Variants in DMXL1 observed in about 807,000 individuals in gnomAD.
DMXL1 encodes dmX-like protein 1.
Under a neutral mutation model 319.2 loss-of-function variants are expected in DMXL1, and 99 were observed. The ratio of observed to expected loss-of-function variants is 0.31; its 90% CI spans 0.26 to 0.37. The LOEUF is 0.37. Among genes scored for constraint, DMXL1 ranks in the 10% least tolerant of loss-of-function variants. The probability of loss-of-function intolerance (pLI) is 1.00; values close to 1 mark genes in which losing one functional copy is unlikely to be tolerated. For synonymous variants in DMXL1, 1,385 were observed against 1,235.2 expected, an observed-to-expected ratio of 1.12 and a Z score of -2.54; for missense variants, 3,745 against 3,595.6, an observed-to-expected ratio of 1.04 and a Z score of -1.06.
At position 119,170,789 on chromosome 5, in the gene DMXL1, A is replaced by T. The variant is rs115843760; in HGVS notation, c.5998A>T (p.Ile2000Leu). The T allele has an allele frequency of 2.5e-6, 4 of 1,611,996 alleles. No homozygotes were observed. Among genetic ancestry groups the T allele is most frequent in the Non-Finnish European group, 3.4e-6 (4 of 1,179,668 alleles). ...AAAAACAGATAAAAAGTTGGATGAC[A>T]TAAGTTCTAACTACACAGAATCTTT... ...QRKTDKKLDD[I>L]SSNYTESFST... is the part of the protein sequence containing the mutation. The change falls in exon 24 of 44, where the codon ATA becomes TTA. Residue 2000 changes from isoleucine to leucine, a missense_variant. Ile to Leu is a conservative substitution (Grantham distance 5). This residue lies in a region of DMXL1 where 1,382 missense variants were observed against 1,269.5 expected (regional missense o/e 1.09). Coordinates refer to ENST00000539542, the MANE Select transcript of DMXL1 (RefSeq NM_001290321.3).
At chr5:119,151,763 T>A (rs1769851367) in intron 18 of DMXL1, among the ~76,000 whole-genome samples, 166 bp from the exon 19 acceptor site, 1 of 152,222 alleles carries the variant, frequency 6.6e-6, no homozygotes, top group South Asian at 2.1e-4. Context: ...GTTTATACTA[T>A]TTTTTCTGTA....
At chr5:119,245,910 G>A (rs1789673592) in intron 43 of DMXL1, among the ~76,000 whole-genome samples, 1 of 150,252 alleles carries the variant, frequency 6.7e-6, no homozygotes, top group South Asian at 2.1e-4. Flanking sequence ...AAAAAAAAAA[G>A]AGTTGAAAAT....
intron 26 of DMXL1, 80 bp downstream of exon 26, chr5:119,175,417 C>G: frequency 1.0e-6 from 1 of 965,920 alleles, no homozygotes; most frequent in Non-Finnish European, 1.6e-6. Flanking sequence ...TGGTTTAGAA[C>G]TATATATAAC....
Position 119,120,964 on chromosome 5 carries a change from C to G in DMXL1, c.934-7C>G, listed in dbSNP as rs781657432. ...TATAGGTATTAGTTTTGTTTCTATT[C>G]ACACAGGTAAATCTGAGACATTTTC... On this transcript the variant is annotated splice_region_variant and splice_polypyrimidine_tract_variant and intron_variant, in intron 8 of 43. Transcript: ENST00000539542. The G allele has an allele frequency of 1.0e-5, 16 of 1,601,610 alleles. No homozygotes were observed. Among genetic ancestry groups the G allele is most frequent in the Non-Finnish European group, 1.3e-5 (15 of 1,175,720 alleles).
chr5:119,146,789 G>T (rs1257696641), intron 15 of DMXL1, 48 bp from the exon 16 acceptor site: 7 of 1,496,678 alleles, frequency 4.7e-6, no homozygotes, highest in Non-Finnish European at 6.2e-6. Context: ...TTAGCAAGTT[G>T]TCTCTTTTAC....
chr5:119,109,508 C>T (rs1759102695), intron 4 of DMXL1, among the ~76,000 whole-genome samples: 1 of 152,218 alleles, frequency 6.6e-6, no homozygotes, highest in African/African-American at 2.4e-5. Context: ...AAAAACTCTT[C>T]ACAGTCTCAC....
chr5:119,174,458 A>G (rs1775390714), intron 25 of DMXL1, among the ~76,000 whole-genome samples: 1 of 152,182 alleles, frequency 6.6e-6, no homozygotes, highest in South Asian at 2.1e-4. Context: ...TCCCATATAT[A>G]GTTTTTGTCA....
In DMXL1 at chr5:119,206,914, A is replaced by G; in HGVS notation, c.7926+18A>G. The G allele has an allele frequency of 6.9e-7, 1 of 1,455,198 alleles. No homozygotes were observed. Among genetic ancestry groups the G allele is most frequent in the South Asian group, 1.3e-5 (1 of 78,956 alleles). The allele number at this position is 1,455,198 out of a possible 1,614,324, so 90.1% of individuals were successfully genotyped here. A position where few individuals can be genotyped will look rare whatever the true frequency, so the allele number is the denominator to read the frequency against. Reference sequence around the variant, plus strand: ...TCAATAAGGTACAAAATATCATTCAACTGAAATTAAAAATTGCATTCTTTC... The same window carrying G: ...TCAATAAGGTACAAAATATCATTCAGCTGAAATTAAAAATTGCATTCTTTC... On this transcript the variant is annotated intron_variant, in intron 34 of 43. Coordinates refer to ENST00000539542, the MANE Select transcript of DMXL1 (RefSeq NM_001290321.3).
At chr5:119,202,815 C>T (rs1581297401) in intron 32 of DMXL1, among the ~76,000 whole-genome samples, 1 of 148,342 alleles carries the variant, frequency 6.7e-6, no homozygotes, top group African/African-American at 2.5e-5. Flanking sequence ...CGCCCTGTTG[C>T]ACTCCAGTCT....
chr5:119,127,107 A>G (rs1296405870), intron 9 of DMXL1: 1 of 162,204 alleles, frequency 6.2e-6, no homozygotes, highest in Non-Finnish European at 1.5e-5. Flanking sequence ...TTTCAACTCC[A>G]TTGTAAGTCA....
intron 35 of DMXL1, 134 bp from the exon 36 acceptor site, chr5:119,220,338 G>T: frequency 1.4e-6 from 1 of 699,362 alleles, no homozygotes; most frequent in Admixed American, 3.2e-5. Flanking sequence ...TTCACTAAAA[G>T]TAAGAATGCT....
chr5:119,202,540 A>G (rs1420691342), intron 32 of DMXL1, among the ~76,000 whole-genome samples: 1 of 152,088 alleles, frequency 6.6e-6, no homozygotes, highest in Non-Finnish European at 1.5e-5. Context: ...TTTAACACAA[A>G]CTTTGTTTCA....
chr5:119,107,848 CT>C (rs753600307), intron 4 of DMXL1, among the ~76,000 whole-genome samples: 3 of 152,136 alleles, frequency 2.0e-5, no homozygotes, highest in Non-Finnish European at 2.9e-5. Flanking sequence ...TATTGAGCTT[CT>C]GCTTAGTGCC....
At chr5:119,077,611 C>T (rs1751200222) in intron 1 of DMXL1, among the ~76,000 whole-genome samples, 1 of 141,306 alleles carries the variant, frequency 7.1e-6, no homozygotes, top group Non-Finnish European at 1.5e-5. Context: ...GCTGGGACCA[C>T]AGACACGTGC....
At chr5:119,081,400 G>A (rs181643632) in intron 1 of DMXL1, among the ~76,000 whole-genome samples, 2 of 152,280 alleles carry the variant, frequency 1.3e-5, no homozygotes, top group South Asian at 2.1e-4. Context: ...ATATGTGTGC[G>A]AGGCATTGTT....
At chr5:119,086,830 C>G (rs1753481713) in intron 1 of DMXL1, among the ~76,000 whole-genome samples, 1 of 151,900 alleles carries the variant, frequency 6.6e-6, no homozygotes. Context: ...GCCATAGGTC[C>G]TGAGCTTTTC....
intron 34 of DMXL1, among the ~76,000 whole-genome samples, chr5:119,215,587 C>A (rs192669833): frequency 2.6e-5 from 4 of 152,250 alleles, no homozygotes; most frequent in Non-Finnish European, 5.9e-5. Flanking sequence ...TCACCTCAGC[C>A]TCTCAAAGTG....
chr5:119,120,964 C>T lies in DMXL1; in HGVS notation c.934-7C>T. ...TATAGGTATTAGTTTTGTTTCTATT[C>T]ACACAGGTAAATCTGAGACATTTTC... On this transcript the variant is annotated splice_region_variant and splice_polypyrimidine_tract_variant and intron_variant, in intron 8 of 43. Transcript: ENST00000539542. 1 of 1,601,730 alleles carries T rather than the reference C, an allele frequency of 6.2e-7. No homozygotes were observed. Among genetic ancestry groups the T allele is most frequent in the Non-Finnish European group, 8.5e-7 (1 of 1,175,714 alleles).
rs1779924225 is a variant in DMXL1 at position 119,197,848 on chromosome 5, G to A, written c.7637G>A (p.Gly2546Glu). 2 of 1,613,926 alleles carry A rather than the reference G, an allele frequency of 1.2e-6. No homozygotes were observed. The highest frequency in any genetic ancestry group is 1.3e-5 in the African/African-American group (1 of 74,880). ...VLLRRLEIHG[G>E]PPQNYIASHT... Reference sequence around the variant, plus strand: ...CTCCGACGACTTGAAATCCATGGTGGGCCACCTCAAAATTATATCGCAAGT... The same window carrying A: ...CTCCGACGACTTGAAATCCATGGTGAGCCACCTCAAAATTATATCGCAAGT... Residue 2546 changes from glycine (G) to glutamate (E), a missense_variant, in exon 32 of 44, where the codon GGG becomes GAG. Coordinates refer to ENST00000539542, the MANE Select transcript of DMXL1 (RefSeq NM_001290321.3).
Sources: gnomAD v4.1 joint callset for allele counts (sites outside exome capture counted in the v4.1 genomes callset) on GRCh38, gnomAD v4.1.1 for gene constraint, gnomAD v4.1.1 regional missense constraint, MANE v1.5 for transcripts, NCBI Gene and HGNC (gene_info 2026-07-23, HGNC 2026-07-21) for gene names.